Variants in CAMK1D observed in about 807,000 individuals in gnomAD.
CAMK1D encodes calcium/calmodulin dependent protein kinase ID, also known as calcium/calmodulin-dependent protein kinase type 1D.
CAMK1D carries 9 observed loss-of-function variants against 47.7 expected under a neutral mutation model. That is an observed-to-expected ratio of 0.19 (90% CI 0.11 to 0.33). The LOEUF (loss-of-function observed/expected upper bound fraction) is 0.33. Among genes scored for constraint, CAMK1D ranks in the 10% least tolerant of loss-of-function variants. The pLI, the probability that CAMK1D is intolerant of heterozygous loss-of-function variation, is 1.00. For synonymous variants in CAMK1D, 184 were observed against 184.9 expected (o/e 0.99, Z 0.04); for missense variants, 291 against 488.7 (o/e 0.60, Z 3.81).
chr10:12,394,917 A>C (rs1211178489), intron 1 of CAMK1D, among the ~76,000 whole-genome samples: 1 of 152,112 alleles, frequency 6.6e-6, no homozygotes, highest in Non-Finnish European at 1.5e-5. Flanking sequence ...GGCTGCGTGC[A>C]GGAGGCCTTG....
chr10:12,427,769 A>G (rs1840302540), intron 1 of CAMK1D, among the ~76,000 whole-genome samples: 3 of 116,022 alleles, frequency 2.6e-5, no homozygotes, highest in South Asian at 5.9e-4. Flanking sequence ...GTGCAGTGGC[A>G]TGACCTTGGC....
In CAMK1D at chr10:12,666,724, T is replaced by C. The variant is rs1172992606; in HGVS notation, c.225-12T>C. The C allele has an allele frequency of 3.7e-6, 6 of 1,603,392 alleles. No homozygotes were observed. The highest frequency in any genetic ancestry group is 3.4e-5 in the Admixed American group (2 of 59,476). On this transcript the variant is annotated splice_polypyrimidine_tract_variant and intron_variant, in intron 2 of 10. Coordinates refer to ENST00000619168, the MANE Select transcript of CAMK1D (RefSeq NM_153498.4). ...CATACTCACTATTTTGTGCGTCTAT[T>C]TTTTTTTTCAGGATTAAGCATGAAA...
At chr10:12,458,019 A>T (rs778585506) in intron 1 of CAMK1D, among the ~76,000 whole-genome samples, 12 of 152,220 alleles carry the variant, frequency 7.9e-5, no homozygotes, top group Non-Finnish European at 1.5e-4. Context: ...AACCAGCAAA[A>T]GCAAATCAGC....
At chr10:12,537,640 G>T (rs1451994185) in intron 1 of CAMK1D, among the ~76,000 whole-genome samples, 1 of 152,186 alleles carries the variant, frequency 6.6e-6, no homozygotes, top group Non-Finnish European at 1.5e-5. Context: ...TGCAGGCCCG[G>T]ACTGTCTCTG....
At chr10:12,643,654 T>C (rs12218281) in intron 2 of CAMK1D, among the ~76,000 whole-genome samples, 94,876 of 151,804 alleles carry the variant, frequency 0.62, 29,760 homozygotes, top group East Asian at 0.7. Context: ...AAGGCCGAGG[T>C]GGGTGGATCA....
At chr10:12,548,526 G>A (rs1168027450) in intron 1 of CAMK1D, among the ~76,000 whole-genome samples, 2 of 141,476 alleles carry the variant, frequency 1.4e-5, no homozygotes, top group African/African-American at 2.7e-5. Context: ...GTACAGTGCC[G>A]TGATCATGGC....
At position 12,831,696 on chromosome 10, in the gene CAMK1D, CAA is replaced by C. The variant is rs1833421571; in HGVS notation, c.*2810_*2811del. The C allele has an allele frequency of 6.6e-6, 1 of 152,168 alleles. No homozygotes were observed. Among genetic ancestry groups the C allele is most frequent in the Non-Finnish European group, 1.5e-5 (1 of 68,048 alleles). 9.4% of individuals were successfully genotyped at this position (152,168 alleles called of 1,614,324 possible). A position where few individuals can be genotyped will look rare whatever the true frequency, so the allele number is the denominator to read the frequency against. Reference sequence around the variant, plus strand: ...GAGGAGACAGTGACTGGTTTCAGCCCAAGAGTCAACTGTTGAGCATGACATCA... The same window carrying C: ...GAGGAGACAGTGACTGGTTTCAGCCCGAGTCAACTGTTGAGCATGACATCA... On this transcript the variant is annotated 3_prime_UTR_variant, in exon 11 of 11. Transcript: ENST00000619168.
chr10:12,725,452 A>T (rs890077921), intron 3 of CAMK1D: 1 of 154,824 alleles, frequency 6.5e-6, no homozygotes, highest in Non-Finnish European at 1.5e-5. Context: ...AGTAATTTTC[A>T]AGAGAGAGTA....
chr10:12,823,473 G>A (rs946266762), intron 8 of CAMK1D, among the ~76,000 whole-genome samples: 1 of 152,092 alleles, frequency 6.6e-6, no homozygotes, highest in Non-Finnish European at 1.5e-5. Context: ...AGAGGAGGAG[G>A]CTGTGATCGA....
At chr10:12,793,480 C>T (rs946962921) in intron 6 of CAMK1D, among the ~76,000 whole-genome samples, 21 of 152,192 alleles carry the variant, frequency 1.4e-4, no homozygotes, top group Non-Finnish European at 2.9e-4. Flanking sequence ...GCAATGATGT[C>T]TTAGTCAGAT....
intron 3 of CAMK1D, among the ~76,000 whole-genome samples, chr10:12,745,464 A>G (rs1835627070): frequency 6.6e-6 from 1 of 152,248 alleles, no homozygotes; most frequent in African/African-American, 2.4e-5. Context: ...AGGGAATTGG[A>G]CAGTTCAACA....
intron 3 of CAMK1D, among the ~76,000 whole-genome samples, chr10:12,692,991 AT>A (rs1832988912): frequency 6.6e-6 from 1 of 152,184 alleles, no homozygotes; most frequent in South Asian, 2.1e-4. Flanking sequence ...TGTGATTAAC[AT>A]TTCAATCAGT....
chr10:12,633,278 A>G (rs1284736619), intron 2 of CAMK1D, among the ~76,000 whole-genome samples: 3 of 152,214 alleles, frequency 2.0e-5, no homozygotes, highest in Admixed American at 6.5e-5. Context: ...TAGTGGTCCC[A>G]TGGGAGGAGG....
chr10:12,366,030 T>C (rs1837823652), intron 1 of CAMK1D, among the ~76,000 whole-genome samples: 2 of 152,242 alleles, frequency 1.3e-5, no homozygotes, highest in South Asian at 4.1e-4. Flanking sequence ...CACTCCAGTC[T>C]GGGTGACAGA....
intron 1 of CAMK1D, among the ~76,000 whole-genome samples, chr10:12,366,734 T>C (rs1837847585): frequency 6.6e-6 from 1 of 151,608 alleles, no homozygotes; most frequent in Admixed American, 6.6e-5. Context: ...GGGTGGCAGA[T>C]CTAGGGAGAG....
chr10:12,350,081 C>T (rs950518888), intron 1 of CAMK1D, among the ~76,000 whole-genome samples, 171 bp downstream of exon 1: 3 of 151,896 alleles, frequency 2.0e-5, no homozygotes, highest in Non-Finnish European at 4.4e-5. Context: ...GACGCGTGGG[C>T]CTGCGACCCC....
At chr10:12,542,963 C>T (rs1423820380) in intron 1 of CAMK1D, among the ~76,000 whole-genome samples, 2 of 152,056 alleles carry the variant, frequency 1.3e-5, no homozygotes, top group African/African-American at 2.4e-5. Flanking sequence ...CCAGACCGCT[C>T]TTGAACTCCT....
At chr10:12,439,793 A>G (rs1664088852) in intron 1 of CAMK1D, among the ~76,000 whole-genome samples, 1 of 152,226 alleles carries the variant, frequency 6.6e-6, no homozygotes, top group Non-Finnish European at 1.5e-5. Flanking sequence ...CATACCCGAG[A>G]CTGGGTAATT....
At chr10:12,805,962 G>A (rs1254803967) in intron 6 of CAMK1D, among the ~76,000 whole-genome samples, 1 of 152,224 alleles carries the variant, frequency 6.6e-6, no homozygotes, top group Non-Finnish European at 1.5e-5. Context: ...CACGATGATG[G>A]TGCCTAGCAA....
Sources: gnomAD v4.1 joint callset for allele counts (sites outside exome capture counted in the v4.1 genomes callset) on GRCh38, gnomAD v4.1.1 for gene constraint, MANE v1.5 for transcripts, NCBI Gene and HGNC (gene_info 2026-07-23, HGNC 2026-07-21) for gene names.